GTF2F2: variants seen among roughly 807,000 people sequenced by gnomAD.
GTF2F2 encodes the protein ATP-dependent helicase GTF2F2.
Under a neutral mutation model 42.2 loss-of-function variants are expected in GTF2F2, and 23 were observed. That is an observed-to-expected ratio of 0.55 (90% confidence interval 0.39 to 0.77). The LOEUF (loss-of-function observed/expected upper bound fraction) is 0.77, where lower values mean the gene tolerates loss of function less well. Ranked by LOEUF, GTF2F2 falls within the 30% of genes least tolerant of loss-of-function variation. The probability of loss-of-function intolerance (pLI) is 0.00; values close to 1 mark genes in which losing one functional copy is unlikely to be tolerated. For synonymous variants in GTF2F2, 105 were observed against 100.8 expected, an observed-to-expected ratio of 1.04 and a Z score of -0.25; for missense variants, 261 against 287.2, an observed-to-expected ratio of 0.91 and a Z score of 0.66.
At chr13:45,243,303 T>G (rs1875413918) in intron 5 of GTF2F2, among the ~76,000 whole-genome samples, 1 of 152,194 alleles carries the variant, frequency 6.6e-6, no homozygotes, top group African/African-American at 2.4e-5. Flanking sequence ...AGAGGGCAAG[T>G]GAACATTACT....
intron 5 of GTF2F2, among the ~76,000 whole-genome samples, chr13:45,244,514 A>G (rs1468706753): frequency 1.3e-5 from 2 of 151,880 alleles, no homozygotes; most frequent in Admixed American, 1.3e-4. Context: ...TGTTTTTTTG[A>G]TGGGAAAAAA....
chr13:45,274,236 AAT>A (rs1367704564), intron 7 of GTF2F2, among the ~76,000 whole-genome samples: 7 of 152,250 alleles, frequency 4.6e-5, no homozygotes, highest in South Asian at 2.1e-4. Context: ...GGATAATAAA[AAT>A]AGTCATCTTA....
In GTF2F2 at chr13:45,284,868, G is replaced by GAAT. The variant is rs1462632427; in HGVS notation, c.*1309_*1310insTAA. The GAAT allele has an allele frequency of 6.6e-6, 1 of 152,152 alleles. No homozygotes were observed. The highest frequency in any genetic ancestry group is 1.5e-5 in the Non-Finnish European group (1 of 68,044). The allele number at this position is 152,152 out of a possible 1,614,324, so 9.4% of individuals were successfully genotyped here. On this transcript the variant is annotated 3_prime_UTR_variant, in exon 8 of 8. Coordinates refer to ENST00000340473, the MANE Select transcript of GTF2F2 (RefSeq NM_004128.3). Reference sequence around the variant, plus strand: ...AAGATTTTTATTCTGTGTACACACTGAAAAATAAAATTCTGAGTAAAGAAA... The same window carrying GAAT: ...AAGATTTTTATTCTGTGTACACACTGAATAAAAATAAAATTCTGAGTAAAGAAA...
intron 4 of GTF2F2, among the ~76,000 whole-genome samples, chr13:45,187,015 T>C (rs775034076): frequency 7.2e-5 from 11 of 152,238 alleles, no homozygotes; most frequent in East Asian, 1.9e-4. Flanking sequence ...TCTGGAATTA[T>C]GGTTTTGGAA....
At chr13:45,142,561 A>G (rs1869983121) in intron 2 of GTF2F2, among the ~76,000 whole-genome samples, 2 of 152,208 alleles carry the variant, frequency 1.3e-5, no homozygotes, top group African/African-American at 4.8e-5. Flanking sequence ...CATGTTTTAT[A>G]TGTAGGCAAC....
At chr13:45,205,501 G>A (rs1255936026) in intron 4 of GTF2F2, among the ~76,000 whole-genome samples, 1 of 152,116 alleles carries the variant, frequency 6.6e-6, no homozygotes, top group Non-Finnish European at 1.5e-5. Flanking sequence ...TATTTGCAGG[G>A]ATAGTAGTCT....
intron 5 of GTF2F2, among the ~76,000 whole-genome samples, chr13:45,222,338 A>T (rs960779888): frequency 1.3e-5 from 2 of 151,926 alleles, no homozygotes; most frequent in Admixed American, 6.6e-5. Context: ...ATCCTTTGGG[A>T]TTTTGTTTAT....
intron 1 of GTF2F2, among the ~76,000 whole-genome samples, chr13:45,135,538 G>T (rs190196066): frequency 2.0e-5 from 3 of 151,928 alleles, no homozygotes; most frequent in Non-Finnish European, 4.4e-5. Flanking sequence ...GATTACAGGC[G>T]TGAGCCACCG....
At chr13:45,163,520 A>AGT (rs1266386982) in intron 4 of GTF2F2, among the ~76,000 whole-genome samples, 6 of 152,052 alleles carry the variant, frequency 3.9e-5, no homozygotes, top group Admixed American at 3.9e-4. Context: ...TGGGCGACAG[A>AGT]GTGAGACTCT....
chr13:45,181,969 G>A (rs1448357683), intron 4 of GTF2F2, among the ~76,000 whole-genome samples: 6 of 152,058 alleles, frequency 3.9e-5, no homozygotes, highest in Non-Finnish European at 8.8e-5. Flanking sequence ...AGAGAATAAT[G>A]CTAGCTCCTT....
chr13:45,219,207 T>C (rs1355929882), intron 5 of GTF2F2: 2 of 151,906 alleles, frequency 1.3e-5, no homozygotes, highest in African/African-American at 2.4e-5. Flanking sequence ...AAAAAGAAAA[T>C]TGAATCACAG....
chr13:45,211,175 A>G (rs1027283554), intron 5 of GTF2F2, among the ~76,000 whole-genome samples: 2 of 152,146 alleles, frequency 1.3e-5, no homozygotes, highest in African/African-American at 4.8e-5. Context: ...GGGACAGGGA[A>G]GTTTTTGTAG....
intron 4 of GTF2F2, among the ~76,000 whole-genome samples, chr13:45,199,519 G>GT (rs956095776): frequency 4.6e-5 from 7 of 151,384 alleles, no homozygotes; most frequent in African/African-American, 1.7e-4. Flanking sequence ...TAAAAATGAA[G>GT]TTTTTTTTTG....
Position 45,222,729 on chromosome 13 carries a change from A to AT in GTF2F2, c.386+15225dup, listed in dbSNP as rs538539828. Among the ~76,000 whole-genome samples the AT allele has an allele frequency of 3.7e-4, 57 of 152,356 alleles. 1 individual carries two copies. The East Asian group carries it at 9.4e-3, about 25-fold the overall frequency. On this transcript the variant is annotated intron_variant, in intron 5 of 7. Coordinates refer to ENST00000340473, the MANE Select transcript of GTF2F2 (RefSeq NM_004128.3). The stretch of plus-strand genomic sequence containing the variant: ...CAGACACTCAGGAATGAAAAGATGA[A>AT]TAAGACATTTTTCCTGCCCTTGAGT...
At chr13:45,219,006 A>T (rs1408924091) in intron 5 of GTF2F2, among the ~76,000 whole-genome samples, 1 of 152,164 alleles carries the variant, frequency 6.6e-6, no homozygotes, top group Non-Finnish European at 1.5e-5. Flanking sequence ...GAGAAAGAGA[A>T]GATGTTGGGG....
rs1319439999 is a variant in GTF2F2, at chr13:45,228,758, C to T, written c.386+21253C>T. Among the ~76,000 whole-genome samples, 4 of 149,806 alleles carry T rather than the reference C, an allele frequency of 2.7e-5. No homozygotes were observed. In the East Asian group the frequency reaches 7.8e-4, roughly 29 times the overall value. On this transcript the variant is annotated intron_variant, in intron 5 of 7. Coordinates refer to ENST00000340473, the MANE Select transcript of GTF2F2 (RefSeq NM_004128.3). ...TGATCTCGTCTCACCGCAACCTCCG[C>T]CTCCCGGGTTCAAGCAATTCTCCTG...
chr13:45,132,163 A>AT (rs781706946), intron 1 of GTF2F2, among the ~76,000 whole-genome samples: 2 of 152,320 alleles, frequency 1.3e-5, no homozygotes, highest in East Asian at 1.9e-4. Context: ...ACCTATTACC[A>AT]TGGGCTTAGT....
intron 5 of GTF2F2, among the ~76,000 whole-genome samples, chr13:45,239,855 T>C (rs1430596329): frequency 1.3e-5 from 2 of 152,224 alleles, no homozygotes; most frequent in Non-Finnish European, 2.9e-5. Context: ...GCAATTATGA[T>C]ACAGGTGATG....
At chr13:45,212,455 C>CCTTCTTTTCT (rs1873697266) in intron 5 of GTF2F2, among the ~76,000 whole-genome samples, 1 of 96,594 alleles carries the variant, frequency 1.0e-5, no homozygotes, top group Non-Finnish European at 2.1e-5. Flanking sequence ...TTGTTTCTTT[C>CCTTCTTTTCT]TTTCTTTCTT....
Sources: gnomAD v4.1 joint callset for allele counts (sites outside exome capture counted in the v4.1 genomes callset) on GRCh38, gnomAD v4.1.1 for gene constraint, MANE v1.5 for transcripts, NCBI Gene and HGNC (gene_info 2026-07-23, HGNC 2026-07-21) for gene names.